The following MDGA2 variants were observed in gnomAD, a reference collection of about 807,000 sequenced individuals.
MDGA2 encodes MAM domain-containing glycosylphosphatidylinositol anchor protein 2.
Under a neutral mutation model 117.8 loss-of-function variants are expected in MDGA2, and 40 were observed. The ratio of observed to expected loss-of-function variants is 0.34; its 90% CI spans 0.26 to 0.44. The LOEUF is 0.44. MDGA2 is among the 20% of genes least tolerant of loss of function. The pLI is 1.00. For synonymous variants in MDGA2, 452 were observed against 439.0 expected, an observed-to-expected ratio of 1.03 and a Z score of -0.37; for missense variants, 1,123 against 1,250.6, an observed-to-expected ratio of 0.90 and a Z score of 1.54.
At chr14:47,413,219 T>A (rs1892408127) in intron 1 of MDGA2, among the ~76,000 whole-genome samples, 1 of 152,192 alleles carries the variant, frequency 6.6e-6, no homozygotes, top group Admixed American at 6.5e-5. Context: ...GAAGTAAACA[T>A]TAGACATCAA....
chr14:47,168,915 T>A (rs1884003342), intron 3 of MDGA2, among the ~76,000 whole-genome samples: 1 of 152,130 alleles, frequency 6.6e-6, no homozygotes, highest in African/African-American at 2.4e-5. Context: ...TAGCAACATT[T>A]AGATCTGATA....
At chr14:47,498,019 G>C (rs1894317907) in intron 1 of MDGA2, among the ~76,000 whole-genome samples, 1 of 152,132 alleles carries the variant, frequency 6.6e-6, no homozygotes, top group Non-Finnish European at 1.5e-5. Flanking sequence ...AATTCACTTT[G>C]TATGTTACTT....
intron 10 of MDGA2, among the ~76,000 whole-genome samples, chr14:46,894,421 T>A (rs868071523): frequency 6.6e-5 from 10 of 152,246 alleles, no homozygotes; most frequent in Middle Eastern, 3.4e-3. Context: ...TTATAAATTT[T>A]TTTTTCACCA....
chr14:46,891,800 T>G (rs977366010), intron 10 of MDGA2, among the ~76,000 whole-genome samples: 7 of 151,472 alleles, frequency 4.6e-5, no homozygotes, highest in Admixed American at 2.0e-4. Flanking sequence ...TATTATTGGA[T>G]TTTTTTAATG....
At chr14:47,191,649 T>G (rs994293372) in intron 3 of MDGA2, among the ~76,000 whole-genome samples, 6 of 152,066 alleles carry the variant, frequency 3.9e-5, no homozygotes, top group African/African-American at 1.2e-4. Flanking sequence ...ATTACCAAAG[T>G]AAGAATAATA....
intron 1 of MDGA2, among the ~76,000 whole-genome samples, chr14:47,397,657 A>G (rs1261569423): frequency 6.6e-6 from 1 of 152,206 alleles, no homozygotes; most frequent in Non-Finnish European, 1.5e-5. Flanking sequence ...ATCTTTATAA[A>G]TAGATTATCT....
At chr14:47,014,825 C>T (rs1214929707) in intron 8 of MDGA2, among the ~76,000 whole-genome samples, 1 of 152,158 alleles carries the variant, frequency 6.6e-6, no homozygotes, top group Non-Finnish European at 1.5e-5. Context: ...CTGGTGTTCA[C>T]TGGAGTAGCA....
chr14:47,333,005 T>A (rs1890336261), intron 1 of MDGA2, among the ~76,000 whole-genome samples: 1 of 151,984 alleles, frequency 6.6e-6, no homozygotes. Context: ...TGAATAGTAT[T>A]CCATTGTATC....
At chr14:47,587,559 C>G (rs933837237) in intron 1 of MDGA2, among the ~76,000 whole-genome samples, 11 of 151,734 alleles carry the variant, frequency 7.2e-5, no homozygotes, top group African/African-American at 2.7e-4. Context: ...ATTTTATGTT[C>G]CTACTTAGAT....
intron 1 of MDGA2, among the ~76,000 whole-genome samples, chr14:47,549,184 A>G (rs190727265): frequency 1.3e-5 from 2 of 152,210 alleles, no homozygotes; most frequent in Admixed American, 6.5e-5. Flanking sequence ...GGTAAGGGAG[A>G]GTGGGATGAA....
chr14:47,560,341 G>C (rs965231170), intron 1 of MDGA2, among the ~76,000 whole-genome samples: 1 of 152,046 alleles, frequency 6.6e-6, no homozygotes, highest in African/African-American at 2.4e-5. Flanking sequence ...AAAGTGCTGG[G>C]ATTACAGGCG....
At chr14:47,047,091 G>C (rs546203997) in intron 7 of MDGA2, among the ~76,000 whole-genome samples, 1 of 152,156 alleles carries the variant, frequency 6.6e-6, no homozygotes, top group African/African-American at 2.4e-5. Flanking sequence ...TTATCTTCAA[G>C]AATTACACTA....
chr14:46,945,167 C>T (rs553188034), intron 9 of MDGA2, among the ~76,000 whole-genome samples: 19 of 152,184 alleles, frequency 1.2e-4, no homozygotes, highest in South Asian at 4.1e-4. Context: ...TTGCCATTTA[C>T]GTTTAATGTA....
intron 8 of MDGA2, among the ~76,000 whole-genome samples, chr14:46,974,906 T>G (rs1287168113): frequency 1.3e-5 from 2 of 151,286 alleles, no homozygotes; most frequent in South Asian, 2.1e-4. Flanking sequence ...AGCAACAGAG[T>G]AAAAATGTAA....
rs569614863 is a variant in MDGA2, at chr14:47,000,909, A to G, written c.1819+34102T>C. On this transcript the variant is annotated intron_variant, in intron 8 of 16. Coordinates refer to ENST00000399232, the MANE Select transcript of MDGA2 (RefSeq NM_001113498.3). ...GCATAGTTTGATTCTAAAACTAAGA[A>G]AACTACATATTATTTCAATATGACA... Among the ~76,000 whole-genome samples, 4 of 152,202 alleles carry G rather than the reference A, an allele frequency of 2.6e-5. No individual in the cohort carries two copies. In the South Asian group the frequency reaches 8.3e-4, roughly 32 times the overall value.
intron 1 of MDGA2, among the ~76,000 whole-genome samples, chr14:47,461,455 A>T (rs1209545962): frequency 6.6e-6 from 1 of 152,174 alleles, no homozygotes; most frequent in Non-Finnish European, 1.5e-5. Flanking sequence ...AATAACAACG[A>T]AGAACATGTC....
At chr14:47,649,706 A>AAAACAAAACG (rs1383540781) in intron 1 of MDGA2, among the ~76,000 whole-genome samples, 4 of 151,678 alleles carry the variant, frequency 2.6e-5, no homozygotes, top group Non-Finnish European at 5.9e-5. Flanking sequence ...AAAACAAAAC[A>AAAACAAAACG]AAACAAAAAA....
chr14:47,072,859 G>C (rs1890344428), intron 6 of MDGA2, among the ~76,000 whole-genome samples: 1 of 152,132 alleles, frequency 6.6e-6, no homozygotes, highest in Non-Finnish European at 1.5e-5. Context: ...AAACTAAAAA[G>C]TGCCATAGCA....
chr14:47,517,237 A>G (rs1894772954), intron 1 of MDGA2, among the ~76,000 whole-genome samples: 1 of 152,128 alleles, frequency 6.6e-6, no homozygotes, highest in Admixed American at 6.6e-5. Context: ...TTAACTCTCA[A>G]TGTGGGAGTC....
Sources: allele counts gnomAD v4.1 joint callset (sites outside exome capture counted in the v4.1 genomes callset), GRCh38; gene constraint gnomAD v4.1.1; transcripts MANE v1.5; gene names NCBI Gene and HGNC (gene_info 2026-07-23, HGNC 2026-07-21).